FSTL4: variants seen among roughly 807,000 people sequenced by gnomAD.
FSTL4 encodes the protein follistatin like 4.
FSTL4 carries 28 observed loss-of-function variants against 78.2 expected under a neutral mutation model. That is an observed-to-expected ratio of 0.36 (90% CI 0.27 to 0.49). FSTL4 has a LOEUF of 0.49. Ranked by LOEUF, FSTL4 falls within the 20% of genes least tolerant of loss-of-function variation. The probability of loss-of-function intolerance (pLI) is 0.98; values close to 1 mark genes in which losing one functional copy is unlikely to be tolerated. For synonymous variants in FSTL4, 422 were observed against 440.5 expected, an observed-to-expected ratio of 0.96 and a Z score of 0.53; for missense variants, 922 against 1,084.9, an observed-to-expected ratio of 0.85 and a Z score of 2.11.
At chr5:133,310,639 G>A (rs1753757457) in intron 6 of FSTL4, among the ~76,000 whole-genome samples, 1 of 152,206 alleles carries the variant, frequency 6.6e-6, no homozygotes, top group African/African-American at 2.4e-5. Context: ...CTTGATGACG[G>A]CATCTGGGAC....
At chr5:133,660,995 A>G in the FSTL4 span, among the ~76,000 whole-genome samples, 1 of 150,276 alleles carries the variant, frequency 6.7e-6, no homozygotes, top group African/African-American at 2.5e-5. Context: ...ATTTTTTTTT[A>G]CTTTTGTTTT....
At chr5:133,456,265 G>A (rs911801829) in intron 3 of FSTL4, among the ~76,000 whole-genome samples, 1 of 152,216 alleles carries the variant, frequency 6.6e-6, no homozygotes, top group Admixed American at 6.5e-5. Flanking sequence ...CTCCTGGTGG[G>A]TGGAGATGAA....
intron 6 of FSTL4, among the ~76,000 whole-genome samples, chr5:133,294,782 G>A (rs115494138): frequency 1.3e-5 from 2 of 151,978 alleles, no homozygotes; most frequent in Admixed American, 6.6e-5. Context: ...CAGCCCCACC[G>A]GGAATCTACT....
At chr5:133,670,865 G>A in the FSTL4 span, among the ~76,000 whole-genome samples, 1 of 151,514 alleles carries the variant, frequency 6.6e-6, no homozygotes, top group Non-Finnish European at 1.5e-5. Context: ...TGGTATACTG[G>A]TTGTACAAAT....
chr5:133,429,554 T>C (rs187743845), intron 3 of FSTL4, among the ~76,000 whole-genome samples: 25 of 152,106 alleles, frequency 1.6e-4, no homozygotes, highest in African/African-American at 5.8e-4. Context: ...GGGGCTGACT[T>C]TAAGCTCACT....
At chr5:133,344,986 T>TG (rs1754666548) in intron 4 of FSTL4, among the ~76,000 whole-genome samples, 1 of 148,744 alleles carries the variant, frequency 6.7e-6, no homozygotes, top group Non-Finnish European at 1.5e-5. Context: ...TTTTTTTTTT[T>TG]GAGACGGAGT....
intron 6 of FSTL4, among the ~76,000 whole-genome samples, chr5:133,275,241 G>T (rs1752854305): frequency 6.6e-6 from 1 of 150,874 alleles, no homozygotes; most frequent in South Asian, 2.1e-4. Context: ...TCCAGCCTCG[G>T]TGACGGAGGG....
At chr5:133,418,232 G>A (rs929505653) in intron 3 of FSTL4, among the ~76,000 whole-genome samples, 18 of 151,800 alleles carry the variant, frequency 1.2e-4, no homozygotes, top group South Asian at 4.2e-4. Flanking sequence ...AAAAAAGATG[G>A]ATATTATAAA....
chr5:133,383,561 CCTGTCTGACTGA>C (rs1326262597), intron 4 of FSTL4, among the ~76,000 whole-genome samples: 1 of 152,218 alleles, frequency 6.6e-6, no homozygotes, highest in Admixed American at 6.5e-5. Flanking sequence ...CATGTACCTG[CCTGTCTGACTGA>C]CAGGCCCCAG....
chr5:133,560,946 G>A (rs982111874), intron 3 of FSTL4, among the ~76,000 whole-genome samples: 13 of 151,152 alleles, frequency 8.6e-5, no homozygotes, highest in Admixed American at 4.6e-4. Flanking sequence ...AACTTTAGCC[G>A]GGCATGGTGG....
chr5:133,504,187 T>A (rs1478886751), intron 3 of FSTL4, among the ~76,000 whole-genome samples: 24 of 152,008 alleles, frequency 1.6e-4, no homozygotes, highest in Non-Finnish European at 3.2e-4. Flanking sequence ...GTATCAATCA[T>A]TTACCCCCAA....
chr5:133,418,910 C>T (rs1756635662), intron 3 of FSTL4, among the ~76,000 whole-genome samples: 1 of 152,178 alleles, frequency 6.6e-6, no homozygotes, highest in Non-Finnish European at 1.5e-5. Context: ...CCCTCCCTGT[C>T]CCTCCAACCC....
At chr5:133,815,930 A>G in the FSTL4 span, among the ~76,000 whole-genome samples, 1 of 152,204 alleles carries the variant, frequency 6.6e-6, no homozygotes, top group Non-Finnish European at 1.5e-5. Context: ...ACCAACAAAG[A>G]CACTCCAGCC....
At chr5:133,344,968 C>CTT (rs751778816) in intron 4 of FSTL4, among the ~76,000 whole-genome samples, 11,515 of 134,136 alleles carry the variant, frequency 0.086, 729 homozygotes, top group African/African-American at 0.15. Flanking sequence ...CATGCCCCCA[C>CTT]TTTTTTTTTT....
intron 3 of FSTL4, among the ~76,000 whole-genome samples, chr5:133,483,943 G>A (rs530736006): frequency 2.0e-4 from 31 of 152,240 alleles, no homozygotes; most frequent in African/African-American, 6.7e-4. Flanking sequence ...GCCTCCAAGC[G>A]AGAATGTCCA....
At chr5:133,278,069 A>G (rs894752853) in intron 6 of FSTL4, among the ~76,000 whole-genome samples, 1 of 152,168 alleles carries the variant, frequency 6.6e-6, no homozygotes, top group Non-Finnish European at 1.5e-5. Context: ...AGGAACCTTA[A>G]AAGATTTGCA....
chr5:133,703,662 G>A, the FSTL4 span, among the ~76,000 whole-genome samples: 1 of 152,224 alleles, frequency 6.6e-6, no homozygotes, highest in African/African-American at 2.4e-5. Flanking sequence ...TCTGTGAAAG[G>A]AGCACCTGCA....
intron 3 of FSTL4, among the ~76,000 whole-genome samples, chr5:133,557,189 ACT>A (rs1759805818): frequency 6.6e-6 from 1 of 152,160 alleles, no homozygotes; most frequent in Non-Finnish European, 1.5e-5. Context: ...TCAAACTCAC[ACT>A]CTGTTAGAAG....
rs375079118 is a variant in FSTL4 at position 133,271,213 on chromosome 5, A to G, written c.728-21637T>C. ...TCTAGTGCCCCTGGTAGGTGATTAC[A>G]TTAAGCCATTGAGACAATTGTAGTG... On this transcript the variant is annotated intron_variant, in intron 6 of 15. Coordinates refer to ENST00000265342, the MANE Select transcript of FSTL4 (RefSeq NM_015082.2). Among the ~76,000 whole-genome samples, 86 of 152,346 alleles carry G rather than the reference A, an allele frequency of 5.6e-4. 3 individuals are homozygous for G. The South Asian group carries it at 0.016, about 29-fold the overall frequency.
Sources: allele counts gnomAD v4.1 joint callset (sites outside exome capture counted in the v4.1 genomes callset), GRCh38; gene constraint gnomAD v4.1.1; transcripts MANE v1.5; gene names NCBI Gene and HGNC (gene_info 2026-07-23, HGNC 2026-07-21).